UBASH3B: variants seen among roughly 807,000 people sequenced by gnomAD.
UBASH3B encodes ubiquitin associated and SH3 domain containing B.
In UBASH3B, 37 loss-of-function variants were observed where a neutral mutation model predicts 83.4. That is an observed-to-expected ratio of 0.44 (90% CI 0.34 to 0.58). The LOEUF (loss-of-function observed/expected upper bound fraction) is 0.58, where lower values mean the gene tolerates loss of function less well. Among genes scored for constraint, UBASH3B ranks in the 20% least tolerant of loss-of-function variants. The probability of loss-of-function intolerance (pLI) is 0.01; values close to 1 mark genes in which losing one functional copy is unlikely to be tolerated. For missense variants in UBASH3B, 657 were observed against 827.2 expected, an observed-to-expected ratio of 0.79 and a Z score of 2.52; for synonymous variants, 304 against 318.3, an observed-to-expected ratio of 0.96 and a Z score of 0.48.
intron 6 of UBASH3B, 141 bp from the exon 7 acceptor site, chr11:122,794,561 G>A (rs1335955492): frequency 3.4e-5 from 36 of 1,046,512 alleles, no homozygotes; most frequent in Non-Finnish European, 4.5e-5. Context: ...TAGGAATGAG[G>A]CCACTCCTGC....
At chr11:122,663,062 C>T (rs535665003) in intron 1 of UBASH3B, among the ~76,000 whole-genome samples, 15 of 150,976 alleles carry the variant, frequency 9.9e-5, no homozygotes, top group African/African-American at 3.4e-4. Flanking sequence ...CTGCAACCTC[C>T]GCCTCCCGTG....
At chr11:122,721,692 T>A (rs1167192215) in intron 1 of UBASH3B, among the ~76,000 whole-genome samples, 1 of 152,212 alleles carries the variant, frequency 6.6e-6, no homozygotes. Context: ...CATTTGTTAC[T>A]TAGTGGTTTC....
At chr11:122,692,168 A>T (rs1355326141) in intron 1 of UBASH3B, among the ~76,000 whole-genome samples, 3 of 152,196 alleles carry the variant, frequency 2.0e-5, no homozygotes, top group East Asian at 1.9e-4. Context: ...TAATTAAATT[A>T]GATAATGTTG....
intron 11 of UBASH3B, among the ~76,000 whole-genome samples, chr11:122,803,224 G>A (rs1861286171): frequency 1.3e-5 from 2 of 152,176 alleles, no homozygotes; most frequent in Non-Finnish European, 2.9e-5. Flanking sequence ...AGTTGAGAAA[G>A]CCAAAGTTGA....
At chr11:122,779,435 A>T in intron 3 of UBASH3B, 62 bp from the exon 4 acceptor site, 3 of 1,583,602 alleles carry the variant, frequency 1.9e-6, no homozygotes, top group Non-Finnish European at 2.6e-6. Context: ...GCCAATGTTA[A>T]GTAGCAGCAG....
chr11:122,803,868 C>A (rs10892907), intron 11 of UBASH3B, among the ~76,000 whole-genome samples: 9,718 of 152,048 alleles, frequency 0.064, 783 homozygotes, highest in East Asian at 0.3. Context: ...GGAAGGCCAC[C>A]TGACTCTGAG....
chr11:122,659,801 C>T (rs1190433709), intron 1 of UBASH3B, among the ~76,000 whole-genome samples: 6 of 152,142 alleles, frequency 3.9e-5, no homozygotes, highest in Admixed American at 3.9e-4. Context: ...CAGCTCTAGG[C>T]CCTTTTGACA....
chr11:122,775,764 ACT>A (rs1255332807), intron 1 of UBASH3B: 2 of 158,014 alleles, frequency 1.3e-5, no homozygotes, highest in African/African-American at 4.8e-5. Context: ...ACAGAGTAAG[ACT>A]CTCTCAAAAA....
intron 7 of UBASH3B, 110 bp from the exon 8 acceptor site, chr11:122,796,046 C>A (rs2135173361): frequency 3.5e-6 from 5 of 1,427,214 alleles, no homozygotes; most frequent in South Asian, 1.3e-5. Flanking sequence ...CTCACCAAGT[C>A]ATACCTTGGC....
intron 1 of UBASH3B, among the ~76,000 whole-genome samples, chr11:122,757,542 TTG>T (rs1468345504): frequency 6.6e-6 from 1 of 152,142 alleles, no homozygotes; most frequent in African/African-American, 2.4e-5. Flanking sequence ...TCATGCTGTG[TTG>T]TGTTAAACAA....
intron 1 of UBASH3B, 187 bp from the exon 2 acceptor site, chr11:122,776,032 C>A: frequency 2.0e-6 from 1 of 499,316 alleles, no homozygotes; most frequent in Non-Finnish European, 3.5e-6. Context: ...AAATTAATTA[C>A]AAGTCCTAAC....
intron 1 of UBASH3B, among the ~76,000 whole-genome samples, chr11:122,754,982 G>A (rs1050654269): frequency 3.3e-5 from 5 of 152,122 alleles, no homozygotes; most frequent in Non-Finnish European, 2.9e-5. Context: ...ACGTTGGAGC[G>A]GTGGAATGGG....
At chr11:122,779,363 C>T (rs370030314) in intron 3 of UBASH3B, 134 bp from the exon 4 acceptor site, 2 of 902,538 alleles carry the variant, frequency 2.2e-6, no homozygotes, top group Non-Finnish European at 1.7e-6. Context: ...TCTCTCCCCA[C>T]AGACAGGGGT....
intron 1 of UBASH3B, among the ~76,000 whole-genome samples, chr11:122,721,655 T>C (rs774661435): frequency 2.0e-5 from 3 of 152,322 alleles, no homozygotes; most frequent in South Asian, 2.1e-4. Flanking sequence ...TTATTTCCAG[T>C]GGTGCGTGGG....
chr11:122,730,395 C>T (rs940269199), intron 1 of UBASH3B, among the ~76,000 whole-genome samples: 1 of 152,130 alleles, frequency 6.6e-6, no homozygotes, highest in Non-Finnish European at 1.5e-5. Context: ...GCACAGTGGC[C>T]AACGTGAACT....
chr11:122,690,167 CATATATATATATATATATATATATATAT>C (rs57203901), intron 1 of UBASH3B, among the ~76,000 whole-genome samples: 3 of 43,570 alleles, frequency 6.9e-5, no homozygotes, highest in Middle Eastern at 0.024. Context: ...GGCAGGAAAA[CATATATATATATATATATATATATATAT>C]ATATATATAT....
chr11:122,661,867 A>G (rs973150052), intron 1 of UBASH3B, among the ~76,000 whole-genome samples: 3 of 151,004 alleles, frequency 2.0e-5, no homozygotes, highest in Non-Finnish European at 2.9e-5. Flanking sequence ...TCCAAAAAAA[A>G]AAAAAACAAA....
chr11:122,710,200 T>A (rs140791366), intron 1 of UBASH3B, among the ~76,000 whole-genome samples: 1 of 144,114 alleles, frequency 6.9e-6, no homozygotes, highest in Non-Finnish European at 1.5e-5. Flanking sequence ...TTTAAGATAA[T>A]CATAATAAAC....
chr11:122,725,341 A>AG (rs886520348), intron 1 of UBASH3B, among the ~76,000 whole-genome samples: 7 of 144,126 alleles, frequency 4.9e-5, no homozygotes, highest in African/African-American at 1.5e-4. Context: ...AAAAAAAAAA[A>AG]AAAGAAAAGA....
Sources: gnomAD v4.1 joint callset for allele counts (sites outside exome capture counted in the v4.1 genomes callset) on GRCh38, gnomAD v4.1.1 for gene constraint, MANE v1.5 for transcripts, NCBI Gene and HGNC (gene_info 2026-07-23, HGNC 2026-07-21) for gene names.